Variants in CLPTM1L observed in about 807,000 individuals in gnomAD.
CLPTM1L encodes lipid scramblase CLPTM1L.
A neutral mutation model predicts 70.9 loss-of-function variants in CLPTM1L; 38 were observed. The ratio of observed to expected loss-of-function variants is 0.54; its 90% CI spans 0.41 to 0.70. The LOEUF is 0.70. Among genes scored for constraint, CLPTM1L ranks in the 30% least tolerant of loss-of-function variants. The probability of loss-of-function intolerance (pLI) is 0.00; values close to 1 mark genes in which losing one functional copy is unlikely to be tolerated. For synonymous variants in CLPTM1L, 339 were observed against 299.9 expected (o/e 1.13, Z -1.35); for missense variants, 652 against 705.9 (o/e 0.92, Z 0.87).
chr5:1,337,474 C>T lies in CLPTM1L; in HGVS notation c.678+430G>A, dbSNP rs1040873808. Among the ~76,000 whole-genome samples, 6 of 152,382 alleles carry T rather than the reference C, an allele frequency of 3.9e-5. No individual in the cohort carries two copies. The East Asian group carries it at 5.8e-4, about 15-fold the overall frequency. On this transcript the variant is annotated intron_variant, in intron 5 of 16. Coordinates refer to ENST00000320895, the MANE Select transcript of CLPTM1L (RefSeq NM_030782.5). ...CCAGCTCCGAGGAAGGGCTGTCACC[C>T]GCTCCTCTGGCCGCCTGTGCAGGAC...
intron 3 of CLPTM1L, among the ~76,000 whole-genome samples, chr5:1,339,421 A>G (rs1191989091): frequency 1.5e-5 from 2 of 134,528 alleles, no homozygotes; most frequent in Admixed American, 7.4e-5. Context: ...GAACGGCCAC[A>G]CAGACGGGCA....
intron 9 of CLPTM1L, among the ~76,000 whole-genome samples, chr5:1,329,466 C>T (rs1752923822): frequency 6.8e-6 from 1 of 147,770 alleles, no homozygotes; most frequent in African/African-American, 2.6e-5. Flanking sequence ...GCTTGGTGGA[C>T]AGGGCCTCAG....
Position 1,325,520 on chromosome 5 carries a change from A to G in CLPTM1L, c.1146+231T>C, listed in dbSNP as rs868318770. 4.2e-5 allele frequency: 23 copies of G among 548,348 alleles called. No homozygotes were observed. In the Middle Eastern group the frequency reaches 1.4e-3, roughly 34 times the overall value. The allele number at this position is 548,348 out of a possible 1,614,324, so 34.0% of individuals were successfully genotyped here. A position where few individuals can be genotyped will look rare whatever the true frequency, so the allele number is the denominator to read the frequency against. ...TCCTCCCAGAGGCCGGCTCAGGCCCAGAAGTGCTGCCGTCTGCACTGAAGA... is the reference window on the plus strand; with the variant it reads ...TCCTCCCAGAGGCCGGCTCAGGCCCGGAAGTGCTGCCGTCTGCACTGAAGA... On this transcript the variant is annotated intron_variant, in intron 10 of 16. Coordinates refer to ENST00000320895, the MANE Select transcript of CLPTM1L (RefSeq NM_030782.5).
chr5:1,327,713 C>T (rs1752712183), intron 9 of CLPTM1L, among the ~76,000 whole-genome samples: 1 of 150,622 alleles, frequency 6.6e-6, no homozygotes. Flanking sequence ...TCCTCCTCTA[C>T]AGGGACATTT....
In CLPTM1L at chr5:1,342,022, G is replaced by GTC. The variant is rs1753969719; in HGVS notation, c.264-163_264-162insGA. Among the ~76,000 whole-genome samples, 2 of 129,194 alleles carry GTC rather than the reference G, an allele frequency of 1.5e-5. No homozygotes were observed. The highest frequency in any genetic ancestry group is 6.8e-5 in the African/African-American group (2 of 29,600). The allele number at this position is 129,194 out of a possible 152,430, so 84.8% of individuals were successfully genotyped here. ...GGCTTTACGAGTCGTGTGTGTGTGT[G>GTC]TGTGTGTGTGTGTGTGTGCACGCGC... On this transcript the variant is annotated intron_variant, in intron 2 of 16. Coordinates refer to ENST00000320895, the MANE Select transcript of CLPTM1L (RefSeq NM_030782.5). This position sits in a 1 kb window ranked among gnomAD's most constrained non-coding sequence, Gnocchi z 4.3.
intron 5 of CLPTM1L, among the ~76,000 whole-genome samples, chr5:1,336,810 A>G (rs1164324028): frequency 1.3e-5 from 2 of 152,156 alleles, no homozygotes; most frequent in African/African-American, 2.4e-5. Flanking sequence ...AGGAGGCAGT[A>G]TGTTAGGGAC....
rs1754012978 is a variant in CLPTM1L at position 1,342,486 on chromosome 5, T to A, written c.264-626A>T. 6.6e-6 allele frequency among the ~76,000 whole-genome samples: 1 copy of A among 152,216 alleles called. No individual in the cohort carries two copies. Among genetic ancestry groups the A allele is most frequent in the Admixed American group, 6.5e-5 (1 of 15,284 alleles). ...CTACAACTGTAGGCCTCGGACCAGG[T>A]GCCTGGCTCTTCACCCGCACACCAG... On this transcript the variant is annotated intron_variant, in intron 2 of 16. Coordinates refer to ENST00000320895, the MANE Select transcript of CLPTM1L (RefSeq NM_030782.5). The surrounding 1 kb of genome is among the most constrained non-coding windows in gnomAD (Gnocchi z 4.3).
intron 9 of CLPTM1L, among the ~76,000 whole-genome samples, chr5:1,329,777 CTGGTGGACAGAGCCTCAGGACTCTCTGCT>C (rs1752959175): frequency 3.4e-5 from 2 of 58,346 alleles, no homozygotes; most frequent in African/African-American, 1.2e-4. Context: ...GACTCTCTGC[CTGGTGGACAGAGCCTCAGGACTCTCTGCT>C]TGGTGGACAG....
At chr5:1,332,969 G>A (rs1340001858) in intron 7 of CLPTM1L, among the ~76,000 whole-genome samples, 2 of 151,614 alleles carry the variant, frequency 1.3e-5, no homozygotes, top group African/African-American at 4.9e-5. Flanking sequence ...GAGAACAAGG[G>A]GGGACTACTG....
intron 3 of CLPTM1L, among the ~76,000 whole-genome samples, chr5:1,341,062 G>A (rs531575818): frequency 9.2e-5 from 14 of 152,334 alleles, no homozygotes; most frequent in Admixed American, 5.2e-4. Flanking sequence ...CACTGCGCCC[G>A]GCCTTGTTTT....
At chr5:1,331,616 A>C in intron 8 of CLPTM1L, 183 bp downstream of exon 8, 1 of 611,500 alleles carries the variant, frequency 1.6e-6, no homozygotes, top group Non-Finnish European at 2.9e-6. Context: ...TGATGGTCCC[A>C]CCACAATTGC....
chr5:1,326,064 ATG>A (rs1752517066), intron 9 of CLPTM1L: 2 of 522,342 alleles, frequency 3.8e-6, no homozygotes, highest in East Asian at 6.0e-5. Context: ...CAAAAACAGC[ATG>A]TGAGGGCAGT....
chr5:1,333,244 T>C (rs146145607), intron 7 of CLPTM1L, among the ~76,000 whole-genome samples: 1 of 36,892 alleles, frequency 2.7e-5, no homozygotes, highest in Non-Finnish European at 4.4e-5. Flanking sequence ...GACTACTGTA[T>C]ACACACCAGA....
Position 1,344,780 on chromosome 5 carries a change from A to G in CLPTM1L, c.62T>C (p.Val21Ala), listed in dbSNP as rs376590693. ...GCCGTACATGACCCAGCAGGTGTGC[A>G]CCACGTAGACCACGAACACGCCCAC... The part of the protein sequence containing the change: ...LVVGVFVVYV[V>A]HTCWVMYGIV... Residue 21 changes from valine (V) to alanine (A), a missense_variant, in exon 1 of 17, where the codon GTG (valine) becomes GCG (alanine). Coordinates refer to ENST00000320895, the MANE Select transcript of CLPTM1L (RefSeq NM_030782.5). 114 of 1,605,118 alleles carry G rather than the reference A, an allele frequency of 7.1e-5. No homozygotes were observed. The highest frequency in any genetic ancestry group is 8.3e-5 in the Non-Finnish European group (98 of 1,176,810).
chr5:1,318,320 C>CTCATTGACAAT lies in CLPTM1L; in HGVS notation c.*38_*48dup. The stretch of plus-strand genomic sequence containing the variant: ...ATTCCTCCAAATGCTTCCAAAAATA[C>CTCATTGACAAT]TCATTGACAATTCAAGTTGCACTTG... On this transcript the variant is annotated 3_prime_UTR_variant, in exon 17 of 17. Transcript: ENST00000320895. This position sits in a 1 kb window ranked among gnomAD's most constrained non-coding sequence, Gnocchi z 8.9. 7.0e-7 allele frequency: 1 copy of CTCATTGACAAT among 1,425,032 alleles called. No homozygotes were observed. The highest frequency in any genetic ancestry group is 9.9e-7 in the Non-Finnish European group (1 of 1,010,224). The allele number at this position is 1,425,032 out of a possible 1,614,324, so 88.3% of individuals were successfully genotyped here.
chr5:1,335,441 G>A (rs1753511256), intron 5 of CLPTM1L, among the ~76,000 whole-genome samples: 1 of 152,244 alleles, frequency 6.6e-6, no homozygotes, highest in Non-Finnish European at 1.5e-5. Context: ...CTGTTTTGCT[G>A]CACGTGCCCC....
chr5:1,328,772 T>C (rs1168983599), intron 9 of CLPTM1L, among the ~76,000 whole-genome samples: 3 of 150,688 alleles, frequency 2.0e-5, no homozygotes, highest in Non-Finnish European at 2.9e-5. Context: ...GGACACTCCA[T>C]CCAGATCCTC....
rs1560873078 is a variant in CLPTM1L, at chr5:1,342,037, T to TGTGCAC, written c.264-183_264-178dup. ...GTGTGTGTGTGTGTGTGTGTGTGTG[T>TGTGCAC]GTGCACGCGCACGCGTGCGCGTCCT... On this transcript the variant is annotated intron_variant, in intron 2 of 16. Coordinates refer to ENST00000320895, the MANE Select transcript of CLPTM1L (RefSeq NM_030782.5). This position sits in a 1 kb window ranked among gnomAD's most constrained non-coding sequence, Gnocchi z 4.3. Among the ~76,000 whole-genome samples, 1 of 128,626 alleles carries TGTGCAC rather than the reference T, an allele frequency of 7.8e-6. No homozygotes were observed. Among genetic ancestry groups the TGTGCAC allele is most frequent in the African/African-American group, 3.6e-5 (1 of 27,518 alleles). The allele number at this position is 128,626 out of a possible 152,430, so 84.4% of individuals were successfully genotyped here.
intron 12 of CLPTM1L, among the ~76,000 whole-genome samples, chr5:1,323,582 C>T (rs1362173200): frequency 6.6e-6 from 1 of 152,164 alleles, no homozygotes; most frequent in Non-Finnish European, 1.5e-5. Context: ...TGGCTGGAGT[C>T]AGTCCTCTCA....
Sources: allele counts gnomAD v4.1 joint callset (sites outside exome capture counted in the v4.1 genomes callset), GRCh38; gene constraint gnomAD v4.1.1; non-coding constraint Gnocchi (gnomAD v3.1); transcripts MANE v1.5; gene names NCBI Gene and HGNC (gene_info 2026-07-23, HGNC 2026-07-21).